The following VWA8 variants were observed in gnomAD, a reference collection of about 807,000 sequenced individuals.
The protein encoded by VWA8 is von Willebrand factor A domain-containing protein 8.
VWA8 carries 221 observed loss-of-function variants against 241.5 expected under a neutral mutation model. The ratio of observed to expected loss-of-function variants is 0.91; its 90% confidence interval spans 0.82 to 1.02. The LOEUF (loss-of-function observed/expected upper bound fraction) is 1.02, where lower values mean the gene tolerates loss of function less well. Among genes scored for constraint, VWA8 ranks in the 50% least tolerant of loss-of-function variants. The pLI is 0.00. For synonymous variants in VWA8, 852 were observed against 827.1 expected, an observed-to-expected ratio of 1.03 and a Z score of -0.52; for missense variants, 2,322 against 2,328.7, an observed-to-expected ratio of 1.00 and a Z score of 0.06.
intron 2 of VWA8, among the ~76,000 whole-genome samples, chr13:41,919,887 C>T (rs949013633): frequency 4.6e-5 from 7 of 152,134 alleles, no homozygotes; most frequent in Admixed American, 6.5e-5. Flanking sequence ...CAAGCTGATA[C>T]GGCATCTTAC....
chr13:41,703,337 A>G lies in VWA8; in HGVS notation c.3191T>C (p.Leu1064Ser). The change falls in exon 27 of 45, where the codon TTG becomes TCG. Residue 1064 changes from leucine (L) to serine (S), a missense_variant. Coordinates refer to ENST00000379310, the MANE Select transcript of VWA8 (RefSeq NM_015058.2). Reference protein sequence around the residue: ...GQARSGMQKLLCPVETHHIDI... With the variant: ...GQARSGMQKLSCPVETHHIDI... Reference sequence around the variant, plus strand: ...TATATGATGAGTTTCCACTGGACACAAGAGTTTTTGCATCCCACTTCTTGC... The same window carrying G: ...TATATGATGAGTTTCCACTGGACACGAGAGTTTTTGCATCCCACTTCTTGC... 1.2e-6 allele frequency: 2 copies of G among 1,614,114 alleles called. No homozygotes were observed. Among genetic ancestry groups the G allele is most frequent in the Non-Finnish European group, 1.7e-6 (2 of 1,179,974 alleles).
At chr13:41,729,321 T>C (rs2045462317) in intron 23 of VWA8, among the ~76,000 whole-genome samples, 1 of 152,078 alleles carries the variant, frequency 6.6e-6, no homozygotes, top group Non-Finnish European at 1.5e-5. Flanking sequence ...GTCCTAATAC[T>C]ACTACTAAAA....
At chr13:41,847,085 T>C (rs1042349071) in intron 12 of VWA8, among the ~76,000 whole-genome samples, 1 of 152,088 alleles carries the variant, frequency 6.6e-6, no homozygotes, top group African/African-American at 2.4e-5. Context: ...ATATATTGAA[T>C]ATATATATGA....
At chr13:41,769,493 T>C (rs2045803517) in intron 20 of VWA8, among the ~76,000 whole-genome samples, 5 of 152,388 alleles carry the variant, frequency 3.3e-5, no homozygotes, top group Admixed American at 3.3e-4. Context: ...TTGTGTGGAA[T>C]ATATAAAAAA....
At chr13:41,931,383 GA>G (rs964895978) in intron 2 of VWA8, among the ~76,000 whole-genome samples, 1 of 86,866 alleles carries the variant, frequency 1.2e-5, no homozygotes, top group East Asian at 4.1e-4. Flanking sequence ...CAGAGATACA[GA>G]AAAAAAACAT....
chr13:41,774,588 A>C (rs1468005117), intron 20 of VWA8, among the ~76,000 whole-genome samples: 1 of 152,236 alleles, frequency 6.6e-6, no homozygotes, highest in Admixed American at 6.5e-5. Context: ...GGGTAAATAC[A>C]TAAATCTAAC....
chr13:41,593,670 T>A (rs1381975563), intron 40 of VWA8, among the ~76,000 whole-genome samples: 6 of 152,238 alleles, frequency 3.9e-5, no homozygotes, highest in Admixed American at 2.6e-4. Context: ...CTATTGTGGA[T>A]GACCATTTAT....
intron 21 of VWA8, among the ~76,000 whole-genome samples, chr13:41,757,344 T>C (rs900498425): frequency 1.3e-5 from 2 of 151,810 alleles, no homozygotes; most frequent in African/African-American, 4.8e-5. Flanking sequence ...AATACATCGT[T>C]CATACAAAGA....
In VWA8 at chr13:41,567,734, ATTG is replaced by A. The variant is rs2139626645; in HGVS notation, c.*460_*462del. On this transcript the variant is annotated 3_prime_UTR_variant, in exon 45 of 45. Coordinates refer to ENST00000379310, the MANE Select transcript of VWA8 (RefSeq NM_015058.2). ...ACAGAGCAGGGAGAAAATAAAAATA[ATTG>A]TTGGATAGGAGCATTTTGGTGGGTT... 1 of 153,430 alleles carries A rather than the reference ATTG, an allele frequency of 6.5e-6. No homozygotes were observed. Among genetic ancestry groups the A allele is most frequent in the South Asian group, 2.1e-4 (1 of 4,838 alleles). 9.5% of individuals were successfully genotyped at this position (153,430 alleles called of 1,614,324 possible).
At chr13:41,635,242 G>C (rs2044749606) in intron 37 of VWA8, among the ~76,000 whole-genome samples, 1 of 152,142 alleles carries the variant, frequency 6.6e-6, no homozygotes, top group Non-Finnish European at 1.5e-5. Flanking sequence ...GAGATATTAA[G>C]TGTGTATCAT....
At chr13:41,813,741 G>A (rs1870569453) in intron 16 of VWA8, among the ~76,000 whole-genome samples, 1 of 152,148 alleles carries the variant, frequency 6.6e-6, no homozygotes, top group Admixed American at 6.5e-5. Context: ...TAAGCTTTGT[G>A]TTGAGCCATT....
chr13:41,900,811 G>C (rs1013397323), intron 4 of VWA8, among the ~76,000 whole-genome samples: 1 of 152,146 alleles, frequency 6.6e-6, no homozygotes, highest in Non-Finnish European at 1.5e-5. Flanking sequence ...CGGTGTAAAA[G>C]TACTGAGGAA....
intron 12 of VWA8, among the ~76,000 whole-genome samples, chr13:41,851,296 A>G (rs777586252): frequency 3.9e-5 from 6 of 152,166 alleles, no homozygotes; most frequent in Non-Finnish European, 7.3e-5. Flanking sequence ...TATGAGTTTG[A>G]TTTTTTAGAT....
intron 37 of VWA8, among the ~76,000 whole-genome samples, chr13:41,654,483 TC>T (rs2044888803): frequency 6.6e-6 from 1 of 152,166 alleles, no homozygotes; most frequent in South Asian, 2.1e-4. Flanking sequence ...ATAAAACTGT[TC>T]CACGTCAGAT....
At chr13:41,921,949 G>A (rs541918235) in intron 2 of VWA8, among the ~76,000 whole-genome samples, 6 of 152,150 alleles carry the variant, frequency 3.9e-5, no homozygotes, top group South Asian at 4.2e-4. Flanking sequence ...AAGTTCATAC[G>A]GAACCAAAAA....
At chr13:41,573,470 A>G (rs2044324528) in intron 43 of VWA8, among the ~76,000 whole-genome samples, 1 of 111,666 alleles carries the variant, frequency 9.0e-6, no homozygotes, top group Admixed American at 9.8e-5. Flanking sequence ...GGGTGGCTAT[A>G]GTTTAAAAAA....
At chr13:41,803,665 TG>T (rs1321339958) in intron 17 of VWA8, among the ~76,000 whole-genome samples, 1 of 152,166 alleles carries the variant, frequency 6.6e-6, no homozygotes, top group Non-Finnish European at 1.5e-5. Context: ...CCACAATTTG[TG>T]GGAATTATGG....
intron 14 of VWA8, among the ~76,000 whole-genome samples, chr13:41,830,053 T>C (rs1006319421): frequency 1.2e-4 from 18 of 152,184 alleles, no homozygotes; most frequent in East Asian, 7.7e-4. Flanking sequence ...CCATCCTGGC[T>C]AACAAGGTGA....
chr13:41,774,384 C>T lies in VWA8; in HGVS notation c.2349+3601G>A, dbSNP rs1868489650. The stretch of plus-strand genomic sequence containing the variant: ...TCTCAAACTCCTGGCCTCAACTGAT[C>T]CACTCACCTTGGCCTCCCAAAGTGC... On this transcript the variant is annotated intron_variant, in intron 20 of 44. Coordinates refer to ENST00000379310, the MANE Select transcript of VWA8 (RefSeq NM_015058.2). 4.6e-5 allele frequency among the ~76,000 whole-genome samples: 7 copies of T among 152,330 alleles called. No individual in the cohort carries two copies. In the South Asian group the frequency reaches 1.4e-3, roughly 32 times the overall value.
Sources: allele counts gnomAD v4.1 joint callset (sites outside exome capture counted in the v4.1 genomes callset), GRCh38; gene constraint gnomAD v4.1.1; transcripts MANE v1.5; gene names NCBI Gene and HGNC (gene_info 2026-07-23, HGNC 2026-07-21).